Variants in PRR14L observed in about 807,000 individuals in gnomAD.
The protein encoded by PRR14L is proline rich 14 like, also known as protein PRR14L.
A neutral mutation model predicts 155.0 loss-of-function variants in PRR14L; 80 were observed. That is an observed-to-expected ratio of 0.52 (90% CI 0.43 to 0.62). The LOEUF (loss-of-function observed/expected upper bound fraction) is 0.62, where lower values mean the gene tolerates loss of function less well. Among genes scored for constraint, PRR14L ranks in the 20% least tolerant of loss-of-function variants. The pLI, the probability that PRR14L is intolerant of heterozygous loss-of-function variation, is 0.00. For synonymous variants in PRR14L, 883 were observed against 916.0 expected, an observed-to-expected ratio of 0.96 and a Z score of 0.65; for missense variants, 2,469 against 2,548.0, an observed-to-expected ratio of 0.97 and a Z score of 0.67.
chr22:31,719,312 C>T (rs565140884), intron 3 of PRR14L, among the ~76,000 whole-genome samples: 145 of 151,534 alleles, frequency 9.6e-4, no homozygotes, highest in Middle Eastern at 3.4e-3. Context: ...ACTTGGGAGG[C>T]TGAGGCAGGA....
chr22:31,705,274 A>T (rs2074584155), intron 4 of PRR14L, among the ~76,000 whole-genome samples: 1 of 152,202 alleles, frequency 6.6e-6, no homozygotes, highest in Non-Finnish European at 1.5e-5. Flanking sequence ...ATAAAAATAA[A>T]TTTTAAAAAA....
rs751365390 is a variant in PRR14L, at chr22:31,738,719, C to T, written c.142G>A (p.Val48Ile). 1 of 1,551,794 alleles carries T rather than the reference C, an allele frequency of 6.4e-7. No homozygotes were observed. The highest frequency in any genetic ancestry group is 8.7e-7 in the Non-Finnish European group (1 of 1,147,060). Residue 48 changes from valine (V) to isoleucine (I), a missense_variant, in exon 2 of 9, where the codon GTA becomes ATA. Coordinates refer to ENST00000327423, the MANE Select transcript of PRR14L (RefSeq NM_173566.3). Reference sequence around the variant, plus strand: ...AGAGAGCTTGAGGCTCCAGGTTTTACATCTGGAATCACACTTGGCTCAGGG... The same window carrying T: ...AGAGAGCTTGAGGCTCCAGGTTTTATATCTGGAATCACACTTGGCTCAGGG... ...ADPEPSVIPD[V>I]KPGASSSLLS...
intron 4 of PRR14L, among the ~76,000 whole-genome samples, chr22:31,709,545 T>G (rs1385959945): frequency 1.4e-5 from 2 of 141,812 alleles, no homozygotes; most frequent in South Asian, 2.4e-4. Context: ...TTTTTTTTTT[T>G]TTTTTTTTTT....
Position 31,713,439 on chromosome 22 carries a change from T to C in PRR14L, c.4400A>G (p.Gln1467Arg), listed in dbSNP as rs1341660931. ...TGGATGATGTAACCTTTCCTCCTTC[T>C]GGTCTTCTAACTTCTGAGTCTGTGC... is the stretch of plus-strand genomic sequence containing the variant. The part of the protein sequence containing the change: ...IVAQTQKLED[Q>R]KEERLHHPLR... The change falls in exon 4 of 9, where the codon CAG becomes CGG. Residue 1467 changes from glutamine to arginine, a missense_variant. Gln to Arg is a conservative substitution (Grantham distance 43, BLOSUM62 1). This residue lies in a region of PRR14L where 2,363 missense variants were observed against 2,371.6 expected (regional missense o/e 1.00). Coordinates refer to ENST00000327423, the MANE Select transcript of PRR14L (RefSeq NM_173566.3). 3 of 1,551,918 alleles carry C rather than the reference T, an allele frequency of 1.9e-6. No individual in the cohort carries two copies. The highest frequency in any genetic ancestry group is 2.4e-5 in the East Asian group (1 of 40,914).
chr22:31,726,516 C>A (rs1298271003), intron 2 of PRR14L, among the ~76,000 whole-genome samples: 1 of 152,148 alleles, frequency 6.6e-6, no homozygotes, highest in Admixed American at 6.5e-5. Context: ...ATCTGCCTAC[C>A]TCAGCCTTCC....
At chr22:31,709,533 GTTTTTTTTTTTTT>G (rs35320368) in intron 4 of PRR14L, among the ~76,000 whole-genome samples, 1 of 88,602 alleles carries the variant, frequency 1.1e-5, no homozygotes, top group South Asian at 3.9e-4. Flanking sequence ...CGCCTGTGGG[GTTTTTTTTTTTTT>G]TTTTTTTTTT....
At chr22:31,722,749 G>A (rs903201976) in intron 3 of PRR14L, among the ~76,000 whole-genome samples, 11 of 152,022 alleles carry the variant, frequency 7.2e-5, no homozygotes, top group African/African-American at 2.4e-4. Flanking sequence ...AGCCAAGATG[G>A]TCTTGATCTC....
In PRR14L at chr22:31,700,620, G is replaced by C. The variant is rs147238912; in HGVS notation, c.6107+1036C>G. ...TGCCCAGGCTGGAGTGCAATGGCAC[G>C]ATCTCGGCTCACCGCAACCTCCGCC... On this transcript the variant is annotated intron_variant, in intron 7 of 8. Coordinates refer to ENST00000327423, the MANE Select transcript of PRR14L (RefSeq NM_173566.3). 2.0e-5 allele frequency among the ~76,000 whole-genome samples: 3 copies of C among 152,114 alleles called. No homozygotes were observed. In the East Asian group the frequency reaches 5.8e-4, roughly 29 times the overall value.
rs1601503653 is a variant in PRR14L at position 31,713,348 on chromosome 22, G to T, written c.4491C>A (p.Asp1497Glu). 1 of 1,552,208 alleles carries T rather than the reference G, an allele frequency of 6.4e-7. No individual in the cohort carries two copies. Among genetic ancestry groups the T allele is most frequent in the Non-Finnish European group, 8.7e-7 (1 of 1,147,078 alleles). The change falls in exon 4 of 9, where the codon GAC (aspartate) becomes GAA (glutamate). Residue 1497 changes from aspartate (D) to glutamate (E), a missense_variant. Asp to Glu is a conservative substitution (Grantham distance 45). Around this residue, in one of 2 missense-constraint regions of PRR14L, gnomAD observed 2,363 missense variants for 2,371.6 expected, o/e 1.00. Coordinates refer to ENST00000327423, the MANE Select transcript of PRR14L (RefSeq NM_173566.3). ...CLLGAPRKAQDPSSAGCDQIH... is the reference protein window; with the variant it reads ...CLLGAPRKAQEPSSAGCDQIH... ...TTTGATCACACCCAGCAGAGGAGGGGTCTTGTGCTTTCCGAGGGGCACCAA... is the reference window on the plus strand; with the variant it reads ...TTTGATCACACCCAGCAGAGGAGGGTTCTTGTGCTTTCCGAGGGGCACCAA...
rs534405694 is a variant in PRR14L, at chr22:31,739,270, G to C, written c.-51-359C>G. Among the ~76,000 whole-genome samples the C allele has an allele frequency of 6.6e-5, 10 of 152,174 alleles. No homozygotes were observed. In the East Asian group the frequency reaches 1.7e-3, roughly 26 times the overall value. ...AGATGGTTTTCTGTTTGTTTTCATG[G>C]GCATGAACCTTACCTTTTTTGTTCA... On this transcript the variant is annotated intron_variant, in intron 1 of 8. Transcript: ENST00000327423.
intron 7 of PRR14L, among the ~76,000 whole-genome samples, chr22:31,693,091 T>A (rs2074519132): frequency 6.6e-6 from 1 of 152,192 alleles, no homozygotes; most frequent in African/African-American, 2.4e-5. Flanking sequence ...CCTATATTGA[T>A]ACATTATTAT....
chr22:31,739,881 C>T (rs2074803205), intron 1 of PRR14L, among the ~76,000 whole-genome samples: 1 of 152,140 alleles, frequency 6.6e-6, no homozygotes, highest in Non-Finnish European at 1.5e-5. Context: ...TTCTTGGCTC[C>T]TAACTTTCCC....
chr22:31,703,777 C>A, intron 5 of PRR14L, 56 bp from the exon 6 acceptor site: 30 of 1,019,194 alleles, frequency 2.9e-5, no homozygotes, highest in South Asian at 4.1e-5. Context: ...ACTTCCAGCA[C>A]ATTCAACTTC....
intron 1 of PRR14L, among the ~76,000 whole-genome samples, chr22:31,748,302 G>A (rs1367258874): frequency 1.3e-5 from 2 of 152,200 alleles, no homozygotes; most frequent in African/African-American, 4.8e-5. Flanking sequence ...CAAACCAAAA[G>A]TGAGGCAGGG....
At chr22:31,695,137 C>T (rs116250098) in intron 7 of PRR14L, among the ~76,000 whole-genome samples, 1 of 152,036 alleles carries the variant, frequency 6.6e-6, no homozygotes, top group East Asian at 1.9e-4. Context: ...AATATACCCC[C>T]AAAAAAAGAA....
intron 2 of PRR14L, among the ~76,000 whole-genome samples, chr22:31,731,660 T>A (rs1039492816): frequency 3.9e-5 from 6 of 151,976 alleles, no homozygotes; most frequent in African/African-American, 1.4e-4. Flanking sequence ...CCTTTGTAAT[T>A]TATTTCTCTG....
rs1601504170 is a variant in PRR14L, at chr22:31,714,021, T to G, written c.3818A>C (p.Asn1273Thr). Residue 1273 changes from asparagine (N) to threonine (T), a missense_variant, in exon 4 of 9, where the codon AAT becomes ACT. This residue lies in a region of PRR14L where 2,363 missense variants were observed against 2,371.6 expected (regional missense o/e 1.00). Coordinates refer to ENST00000327423, the MANE Select transcript of PRR14L (RefSeq NM_173566.3). ...AGGAAGGACTGTGCAGTCCTTTACA[T>G]TTTCACAAAGCATTTCACCATCTTT... Reference protein sequence around the residue: ...KPKDGEMLCENVKDCTVLPEM... With the variant: ...KPKDGEMLCETVKDCTVLPEM... 1 of 1,551,224 alleles carries G rather than the reference T, an allele frequency of 6.4e-7. No homozygotes were observed. The highest frequency in any genetic ancestry group is 1.4e-5 in the African/African-American group (1 of 73,024).
intron 1 of PRR14L, among the ~76,000 whole-genome samples, chr22:31,746,074 C>T (rs757950653): frequency 7.2e-5 from 11 of 151,756 alleles, no homozygotes; most frequent in Non-Finnish European, 1.3e-4. Context: ...GGACTACAGG[C>T]GCGAGGCAGT....
At chr22:31,725,434 G>C (rs1267806346) in intron 3 of PRR14L, 104 bp downstream of exon 3, 2 of 743,072 alleles carry the variant, frequency 2.7e-6, no homozygotes, top group African/African-American at 1.8e-5. Context: ...CACCTTACAA[G>C]GCAAGGACTT....
Sources: gnomAD v4.1 joint callset for allele counts (sites outside exome capture counted in the v4.1 genomes callset) on GRCh38, gnomAD v4.1.1 for gene constraint, gnomAD v4.1.1 regional missense constraint, MANE v1.5 for transcripts, NCBI Gene and HGNC (gene_info 2026-07-23, HGNC 2026-07-21) for gene names.